The following PTPRC variants were observed in gnomAD, a reference collection of about 807,000 sequenced individuals.
The protein encoded by PTPRC is protein tyrosine phosphatase receptor type C.
In PTPRC, 44 loss-of-function variants were observed where a neutral mutation model predicts 155.9. That is an observed-to-expected ratio of 0.28 (90% CI 0.22 to 0.36). The LOEUF is 0.36. PTPRC is among the 10% of genes least tolerant of loss of function. The pLI, the probability that PTPRC is intolerant of heterozygous loss-of-function variation, is 1.00. For synonymous variants in PTPRC, 525 were observed against 533.1 expected (o/e 0.98, Z 0.21); for missense variants, 1,401 against 1,564.6 (o/e 0.90, Z 1.76).
chr1:198,752,075 C>T (rs1655407463), intron 29 of PTPRC, among the ~76,000 whole-genome samples, 174 bp from the exon 30 acceptor site: 1 of 151,944 alleles, frequency 6.6e-6, no homozygotes, highest in Admixed American at 6.6e-5. Context: ...AAATGGGTCG[C>T]CAGCACTTAA....
rs188143104 is a variant in PTPRC at position 198,670,500 on chromosome 1, T to C, written c.74-21847T>C. Reference sequence around the variant, plus strand: ...ATTAAATCTTCTAATAGATTTGATATATAATATACCCCAGAAATATTTACA... The same window carrying C: ...ATTAAATCTTCTAATAGATTTGATACATAATATACCCCAGAAATATTTACA... On this transcript the variant is annotated intron_variant, in intron 2 of 32. Coordinates refer to ENST00000442510, the MANE Select transcript of PTPRC (RefSeq NM_002838.5). Among the ~76,000 whole-genome samples the C allele has an allele frequency of 2.6e-5, 4 of 152,278 alleles. No individual in the cohort carries two copies. The East Asian group carries it at 7.7e-4, about 29-fold the overall frequency.
intron 2 of PTPRC, among the ~76,000 whole-genome samples, chr1:198,686,529 CT>C (rs1332949334): frequency 6.6e-6 from 1 of 152,126 alleles, no homozygotes; most frequent in Non-Finnish European, 1.5e-5. Context: ...TGAGAGAAAG[CT>C]CAATGCAGTT....
chr1:198,713,176 G>A, intron 12 of PTPRC, 104 bp downstream of exon 12: 2 of 1,502,860 alleles, frequency 1.3e-6, no homozygotes, highest in Non-Finnish European at 9.2e-7. Flanking sequence ...TCTGCTTAGA[G>A]ACTGCATAGG....
intron 20 of PTPRC, among the ~76,000 whole-genome samples, chr1:198,732,992 A>G (rs1654463697): frequency 6.6e-6 from 1 of 151,828 alleles, no homozygotes; most frequent in African/African-American, 2.4e-5. Context: ...TGACTCCAAA[A>G]TGTTATGCTT....
At chr1:198,645,703 G>A (rs1662903037) in intron 2 of PTPRC, among the ~76,000 whole-genome samples, 1 of 151,750 alleles carries the variant, frequency 6.6e-6, no homozygotes, top group Non-Finnish European at 1.5e-5. Context: ...CAGACACTGT[G>A]AGCAGATAAA....
chr1:198,639,888 A>T (rs1662477243), intron 2 of PTPRC, among the ~76,000 whole-genome samples: 1 of 152,056 alleles, frequency 6.6e-6, no homozygotes. Context: ...TTAGTAAAAT[A>T]TTAACTTTCT....
intron 29 of PTPRC, among the ~76,000 whole-genome samples, chr1:198,751,186 T>TATC (rs1414649687): frequency 6.6e-6 from 1 of 152,072 alleles, no homozygotes; most frequent in Non-Finnish European, 1.5e-5. Context: ...CTGAAAAATG[T>TATC]ATCTATATCA....
At chr1:198,694,439 A>C (rs1305306272) in intron 3 of PTPRC, 1 of 1,074,448 alleles carries the variant, frequency 9.3e-7, no homozygotes, top group Non-Finnish European at 1.1e-6. Context: ...CTTCAATCCA[A>C]TCAAGTTGAC....
At chr1:198,732,584 A>G in intron 20 of PTPRC, 28 bp downstream of exon 20, 1 of 1,506,104 alleles carries the variant, frequency 6.6e-7, no homozygotes, top group Non-Finnish European at 9.2e-7. Context: ...TTTTTCTTAT[A>G]CCTACATATT....
intron 11 of PTPRC, chr1:198,712,709 T>A: frequency 2.0e-6 from 1 of 497,702 alleles, no homozygotes; most frequent in Non-Finnish European, 3.6e-6. Context: ...AAGAGGGGGT[T>A]CTTAGATATC....
chr1:198,639,274 C>T lies in PTPRC; in HGVS notation c.6C>T (p.Thr2=), dbSNP rs773998713. The change falls in exon 2 of 33, where the codon ACC becomes ACT. Residue 2 remains threonine (T), a synonymous_variant. Transcript: ENST00000442510. M[T]MYLWLKLLAF... is the part of the protein sequence containing the mutation. Reference sequence around the variant, plus strand: ...GACACGGCTGACTTCCAGATATGACCATGTATTTGTGGCTTAAACTCTTGG... The same window carrying T: ...GACACGGCTGACTTCCAGATATGACTATGTATTTGTGGCTTAAACTCTTGG... 4.3e-6 allele frequency: 7 copies of T among 1,613,252 alleles called. No homozygotes were observed. In the East Asian group the frequency reaches 1.3e-4, roughly 31 times the overall value.
rs188169669 is a variant in PTPRC, at chr1:198,686,455, T to C, written c.74-5892T>C. Among the ~76,000 whole-genome samples the C allele has an allele frequency of 4.1e-3, 623 of 152,330 alleles. 3 individuals carry two copies. The highest frequency in any genetic ancestry group is 0.017 in the Middle Eastern group (5 of 294). ...AAAGTGTAGAATGTAGTAACTGTAA[T>C]ATGTGGAACACTAGATATATTACTG... On this transcript the variant is annotated intron_variant, in intron 2 of 32. Coordinates refer to ENST00000442510, the MANE Select transcript of PTPRC (RefSeq NM_002838.5).
chr1:198,694,017 G>C (rs745562179), intron 3 of PTPRC: 9 of 1,547,640 alleles, frequency 5.8e-6, no homozygotes, highest in Non-Finnish European at 7.0e-6. Context: ...TCCCACAATA[G>C]GCCATCTGCA....
Position 198,756,393 on chromosome 1 carries a change from C to CTCTT in PTPRC, c.*213_*216dup. ...ACGTATGCTTATTTTAAAATTTTAT[C>CTCTT]TCTTATTCAGTAAAAAACAACTTCT... On this transcript the variant is annotated 3_prime_UTR_variant, in exon 33 of 33. Transcript: ENST00000442510. 1 of 638,280 alleles carries CTCTT rather than the reference C, an allele frequency of 1.6e-6. No individual in the cohort carries two copies. Among genetic ancestry groups the CTCTT allele is most frequent in the Middle Eastern group, 4.4e-4 (1 of 2,278 alleles). 39.5% of individuals were successfully genotyped at this position (638,280 alleles called of 1,614,324 possible). A position where few individuals can be genotyped will look rare whatever the true frequency, so the allele number is the denominator to read the frequency against.
Position 198,742,505 on chromosome 1 carries a change from C to A in PTPRC, c.2697+138C>A. The A allele has an allele frequency of 1.5e-5, 17 of 1,100,178 alleles. No individual in the cohort carries two copies. The Middle Eastern group carries it at 1.2e-3, about 77-fold the overall frequency. The allele number at this position is 1,100,178 out of a possible 1,614,324, so 68.2% of individuals were successfully genotyped here. ...GTAGATGATTTCCTGAAAACTAAAACGTGGTAATCACCAGAAATACTTAGA... is the reference window on the plus strand; with the variant it reads ...GTAGATGATTTCCTGAAAACTAAAAAGTGGTAATCACCAGAAATACTTAGA... On this transcript the variant is annotated intron_variant, in intron 25 of 32. Transcript: ENST00000442510.
intron 2 of PTPRC, among the ~76,000 whole-genome samples, chr1:198,655,019 G>A (rs1284986968): frequency 1.3e-5 from 2 of 151,812 alleles, no homozygotes; most frequent in African/African-American, 2.4e-5. Context: ...GTCTTAGATT[G>A]CATGGATACA....
intron 15 of PTPRC, among the ~76,000 whole-genome samples, chr1:198,723,757 G>A (rs894195584): frequency 6.6e-6 from 1 of 152,156 alleles, no homozygotes; most frequent in East Asian, 1.9e-4. Flanking sequence ...TCCTTGCAGC[G>A]GGAATCCTTG....
intron 2 of PTPRC, chr1:198,657,462 T>C (rs1327454003): frequency 6.6e-6 from 1 of 152,180 alleles, no homozygotes; most frequent in Non-Finnish European, 1.5e-5. Flanking sequence ...TAGATATTCA[T>C]TTGAAATCTC....
At chr1:198,639,389 G>T in intron 2 of PTPRC, 48 bp downstream of exon 2, 1 of 1,426,936 alleles carries the variant, frequency 7.0e-7, no homozygotes. Flanking sequence ...TTCTCTTTTG[G>T]AGGAATGTTT....
Sources: gnomAD v4.1 joint callset for allele counts (sites outside exome capture counted in the v4.1 genomes callset) on GRCh38, gnomAD v4.1.1 for gene constraint, MANE v1.5 for transcripts, NCBI Gene and HGNC (gene_info 2026-07-23, HGNC 2026-07-21) for gene names.